Variants in WNK2 observed in about 807,000 individuals in gnomAD.
WNK2 encodes serine/threonine-protein kinase WNK2.
A neutral mutation model predicts 192.1 loss-of-function variants in WNK2; 67 were observed. The ratio of observed to expected loss-of-function variants is 0.35; its 90% CI spans 0.29 to 0.43. WNK2 has a LOEUF of 0.43. Ranked by LOEUF, WNK2 falls within the 20% of genes least tolerant of loss-of-function variation. WNK2 has a pLI of 1.00. For synonymous variants in WNK2, 1,439 were observed against 1,393.9 expected (o/e 1.03, Z -0.72); for missense variants, 2,698 against 3,089.7 (o/e 0.87, Z 3.01).
At chr9:93,197,447 A>G (rs1831473389) in intron 2 of WNK2, among the ~76,000 whole-genome samples, 1 of 152,156 alleles carries the variant, frequency 6.6e-6, no homozygotes, top group Admixed American at 6.5e-5. Context: ...TTTTATTATT[A>G]CTGTTCTTAA....
chr9:93,189,920 C>T (rs978705902), intron 2 of WNK2, among the ~76,000 whole-genome samples: 3 of 151,748 alleles, frequency 2.0e-5, no homozygotes, highest in Admixed American at 6.6e-5. Context: ...GACGAGGGGA[C>T]GAGCCAGTGC....
intron 10 of WNK2, 191 bp downstream of exon 10, chr9:93,256,645 G>T: frequency 1.4e-6 from 1 of 725,584 alleles, no homozygotes; most frequent in Non-Finnish European, 2.2e-6. Flanking sequence ...GTGTACGTGT[G>T]TGTGTGTGTT....
intron 4 of WNK2, among the ~76,000 whole-genome samples, chr9:93,232,683 G>A (rs1468247224): frequency 6.6e-6 from 1 of 152,190 alleles, no homozygotes; most frequent in African/African-American, 2.4e-5. Flanking sequence ...TCTTGGAAAC[G>A]AAGTTTCGAG....
intron 2 of WNK2, among the ~76,000 whole-genome samples, chr9:93,204,180 G>C (rs959236982): frequency 6.6e-6 from 1 of 152,132 alleles, no homozygotes. Context: ...AAGGCTCCTG[G>C]GGGAGAGTAT....
chr9:93,208,512 T>C lies in WNK2; in HGVS notation c.682-21184T>C, dbSNP rs540285470. Among the ~76,000 whole-genome samples the C allele has an allele frequency of 2.0e-5, 3 of 151,470 alleles. No individual in the cohort carries two copies. In the East Asian group the frequency reaches 5.8e-4, roughly 29 times the overall value. ...TGTGTGCATGTGTGTTCTCCACGTGTACATGTTATGTGTATTCTGTGTGTG... is the reference window on the plus strand; with the variant it reads ...TGTGTGCATGTGTGTTCTCCACGTGCACATGTTATGTGTATTCTGTGTGTG... On this transcript the variant is annotated intron_variant, in intron 2 of 29. Coordinates refer to ENST00000427277, the MANE Select transcript of WNK2 (RefSeq NM_006648.4).
At chr9:93,290,091 G>A (rs1362965968) in intron 21 of WNK2, 44 bp downstream of exon 21, 1 of 1,532,266 alleles carries the variant, frequency 6.5e-7, no homozygotes, top group Non-Finnish European at 8.8e-7. Context: ...GGTGCTGCCT[G>A]GCTTCCTTGC....
intron 2 of WNK2, among the ~76,000 whole-genome samples, chr9:93,222,564 G>A (rs958525236): frequency 5.3e-5 from 8 of 152,144 alleles, no homozygotes; most frequent in Non-Finnish European, 8.8e-5. Context: ...ACAGGTCACC[G>A]GCGTCAGGGT....
chr9:93,306,869 T>C (rs781101215), intron 27 of WNK2, 48 bp downstream of exon 27: 1 of 1,613,140 alleles, frequency 6.2e-7, no homozygotes, highest in South Asian at 1.1e-5. Flanking sequence ...TCGCATGGGC[T>C]TTCTCGTGGC....
intron 23 of WNK2, among the ~76,000 whole-genome samples, chr9:93,294,676 C>G (rs946989209): frequency 1.3e-5 from 2 of 152,042 alleles, no homozygotes; most frequent in East Asian, 3.9e-4. Context: ...GCTCTGAGAG[C>G]CTGGGTGACA....
intron 3 of WNK2, 145 bp downstream of exon 3, chr9:93,230,013 C>A: frequency 9.8e-7 from 1 of 1,023,180 alleles, no homozygotes; most frequent in Non-Finnish European, 1.4e-6. Flanking sequence ...GCATGGGATG[C>A]CAGGAGGTGG....
intron 10 of WNK2, chr9:93,256,722 C>A: frequency 1.5e-6 from 1 of 668,536 alleles, no homozygotes; most frequent in Non-Finnish European, 2.5e-6. Flanking sequence ...AACATTTCTG[C>A]AAGATCTGCT....
intron 10 of WNK2, 53 bp from the exon 11 acceptor site, chr9:93,256,895 C>A: frequency 6.8e-7 from 1 of 1,477,688 alleles, no homozygotes; most frequent in Non-Finnish European, 9.0e-7. Flanking sequence ...CAGTGGGGTG[C>A]GCTTGTCTGG....
chr9:93,258,075 G>A lies in WNK2; in HGVS notation c.2383-856G>A, dbSNP rs77361273. 3.9e-4 allele frequency among the ~76,000 whole-genome samples: 59 copies of A among 152,326 alleles called. 2 individuals are homozygous for A. The East Asian group carries it at 0.011, about 27-fold the overall frequency. On this transcript the variant is annotated intron_variant, in intron 11 of 29. Coordinates refer to ENST00000427277, the MANE Select transcript of WNK2 (RefSeq NM_006648.4). ...CTGCTCAGGCCCAGATGTCACCATAGGACGTTAGGCAGCTTCAGGGTCTAG... is the reference window on the plus strand; with the variant it reads ...CTGCTCAGGCCCAGATGTCACCATAAGACGTTAGGCAGCTTCAGGGTCTAG...
intron 26 of WNK2, among the ~76,000 whole-genome samples, chr9:93,302,925 C>T (rs1203786159): frequency 6.8e-6 from 1 of 148,138 alleles, no homozygotes; most frequent in East Asian, 2.0e-4. Flanking sequence ...AGCAGTCTCC[C>T]TTTTTTTTTT....
chr9:93,255,906 C>T (rs185430993), intron 9 of WNK2, among the ~76,000 whole-genome samples: 50 of 152,270 alleles, frequency 3.3e-4, no homozygotes, highest in Admixed American at 5.9e-4. Context: ...TTCCAGGGCC[C>T]GTTTCTCTCC....
At chr9:93,308,135 C>T in intron 27 of WNK2, 193 bp from the exon 28 acceptor site, 1 of 1,181,854 alleles carries the variant, frequency 8.5e-7, no homozygotes, top group Non-Finnish European at 1.1e-6. Flanking sequence ...TGGCACAGCC[C>T]ATGGAAATGC....
Position 93,185,558 on chromosome 9 carries a change from A to T in WNK2, c.629A>T (p.Tyr210Phe), listed in dbSNP as rs781674659. 1 of 1,612,974 alleles carries T rather than the reference A, an allele frequency of 6.2e-7. No homozygotes were observed. Among genetic ancestry groups the T allele is most frequent in the Non-Finnish European group, 8.5e-7 (1 of 1,179,638 alleles). Reference sequence around the variant, plus strand: ...GGCCGCGGTTCCTTCAAGACGGTCTACAAGGGGCTGGACACGGAGACCTGG... The same window carrying T: ...GGCCGCGGTTCCTTCAAGACGGTCTTCAAGGGGCTGGACACGGAGACCTGG... ...ELGRGSFKTV[Y>F]KGLDTETWVE... The change falls in exon 2 of 30, where the codon TAC (tyrosine) becomes TTC (phenylalanine). Residue 210 changes from tyrosine (Y) to phenylalanine (F), a missense_variant. Transcript: ENST00000427277.
At chr9:93,317,342 T>C in intron 28 of WNK2, 178 bp from the exon 29 acceptor site, 1 of 633,586 alleles carries the variant, frequency 1.6e-6, no homozygotes, top group African/African-American at 1.8e-5. Context: ...GGGAGGGTGA[T>C]GGTTCCTGGC....
At position 93,229,873 on chromosome 9, in the gene WNK2, G is replaced by A. The variant is rs931148716; in HGVS notation, c.854+5G>A. 1.4e-5 allele frequency: 22 copies of A among 1,612,178 alleles called. No individual in the cohort carries two copies. The highest frequency in any genetic ancestry group is 1.8e-5 in the Non-Finnish European group (21 of 1,178,876). On this transcript the variant is annotated splice_donor_5th_base_variant and intron_variant, in intron 3 of 29. Coordinates refer to ENST00000427277, the MANE Select transcript of WNK2 (RefSeq NM_006648.4). The surrounding 1 kb of genome is among the most constrained non-coding windows in gnomAD (Gnocchi z 4.9). ...GACCTCAGGGACGCTGAAGACGTAAGCTCCGCTTCCTGAGGGCTGGGGCGG... is the reference window on the plus strand; with the variant it reads ...GACCTCAGGGACGCTGAAGACGTAAACTCCGCTTCCTGAGGGCTGGGGCGG...
Sources: gnomAD v4.1 joint callset for allele counts (sites outside exome capture counted in the v4.1 genomes callset) on GRCh38, gnomAD v4.1.1 for gene constraint, Gnocchi (gnomAD v3.1) non-coding constraint, MANE v1.5 for transcripts, NCBI Gene and HGNC (gene_info 2026-07-23, HGNC 2026-07-21) for gene names.